Variants in ERCC6L2 observed in about 807,000 individuals in gnomAD.
ERCC6L2 encodes DNA excision repair protein ERCC-6-like 2.
In ERCC6L2, 77 loss-of-function variants were observed where a neutral mutation model predicts 132.0. The ratio of observed to expected loss-of-function variants is 0.58; its 90% confidence interval spans 0.49 to 0.71. The LOEUF (loss-of-function observed/expected upper bound fraction) is 0.71, where lower values mean the gene tolerates loss of function less well. ERCC6L2 is among the 30% of genes least tolerant of loss of function. The pLI is 0.00. For synonymous variants in ERCC6L2, 583 were observed against 632.4 expected (o/e 0.92, Z 1.17); for missense variants, 1,542 against 1,837.6 (o/e 0.84, Z 2.94).
chr9:95,917,870 A>G (rs1262143544), intron 6 of ERCC6L2, among the ~76,000 whole-genome samples: 1 of 152,224 alleles, frequency 6.6e-6, no homozygotes, highest in Admixed American at 6.5e-5. Context: ...AATGCATGAC[A>G]CATAAGAAAT....
intron 12 of ERCC6L2, among the ~76,000 whole-genome samples, chr9:95,950,010 G>A (rs535821947): frequency 4.0e-4 from 57 of 143,354 alleles, no homozygotes; most frequent in Middle Eastern, 3.6e-3. Flanking sequence ...GTGAGACTCC[G>A]TCTCAAAAAA....
intron 14 of ERCC6L2, chr9:95,968,285 C>A: frequency 6.6e-6 from 1 of 152,182 alleles, no homozygotes; most frequent in African/African-American, 2.4e-5. Flanking sequence ...CTTTAATATA[C>A]CAGAACACTA....
intron 17 of ERCC6L2, among the ~76,000 whole-genome samples, chr9:96,003,894 T>G (rs1226965273): frequency 1.3e-5 from 2 of 152,238 alleles, no homozygotes; most frequent in Non-Finnish European, 2.9e-5. Context: ...ACTGGGACTG[T>G]ATAAAGTTTA....
Position 96,031,787 on chromosome 9 carries a change from G to C in ERCC6L2, c.*1504-7089G>C, listed in dbSNP as rs146873967. On this transcript the variant is annotated intron_variant and NMD_transcript_variant, in intron 19 of 20. Transcript: ENST00000670016. ...CTAGTTCAGCTTCCCAGGAACACAAGCTTGACCCTGGGCACTGCAGACTTG... is the reference window on the plus strand; with the variant it reads ...CTAGTTCAGCTTCCCAGGAACACAACCTTGACCCTGGGCACTGCAGACTTG... 1.1e-3 allele frequency among the ~76,000 whole-genome samples: 165 copies of C among 152,262 alleles called. 1 individual carries two copies. Among genetic ancestry groups the C allele is most frequent in the Non-Finnish European group, 1.7e-3 (117 of 68,022 alleles).
Position 95,897,860 on chromosome 9 carries a change from T to G in ERCC6L2, c.483T>G (p.Phe161Leu). The G allele has an allele frequency of 6.2e-7, 1 of 1,612,768 alleles. No individual in the cohort carries two copies. The highest frequency in any genetic ancestry group is 8.5e-7 in the Non-Finnish European group (1 of 1,179,446). ...TCTTTTTTCCCCAGGTTATTTCATT[T>G]CTGGCTGCAGTTTTGCATAAAAAGG... The part of the protein sequence containing the change: ...GLGKTVQVIS[F>L]LAAVLHKKGT... The change falls in exon 3 of 19, where the codon TTT becomes TTG. Residue 161 changes from phenylalanine (F) to leucine (L), a missense_variant. Transcript: ENST00000653738.
chr9:96,036,729 C>T (rs1460394800), intron 19 of ERCC6L2, among the ~76,000 whole-genome samples: 1 of 150,090 alleles, frequency 6.7e-6, no homozygotes, highest in Non-Finnish European at 1.5e-5. Flanking sequence ...GAGGTGAAGC[C>T]CCATTTTTTT....
intron 19 of ERCC6L2, among the ~76,000 whole-genome samples, chr9:96,024,078 C>T (rs1006946396): frequency 3.3e-5 from 5 of 152,174 alleles, no homozygotes; most frequent in Non-Finnish European, 5.9e-5. Flanking sequence ...TTCTTAAACA[C>T]GAATCACTTT....
At chr9:95,969,291 C>T (rs1184712917) in intron 14 of ERCC6L2, among the ~76,000 whole-genome samples, 3 of 152,174 alleles carry the variant, frequency 2.0e-5, no homozygotes, top group Non-Finnish European at 2.9e-5. Context: ...TTTATATTAG[C>T]TTGACTTACT....
At chr9:96,036,776 T>A (rs1440702853) in intron 19 of ERCC6L2, among the ~76,000 whole-genome samples, 10 of 147,228 alleles carry the variant, frequency 6.8e-5, no homozygotes, top group South Asian at 2.1e-4. Context: ...TTTATTTATT[T>A]TTTTTTTTGA....
intron 19 of ERCC6L2, among the ~76,000 whole-genome samples, chr9:96,035,178 G>A (rs532757299): frequency 1.3e-5 from 2 of 152,206 alleles, no homozygotes; most frequent in Non-Finnish European, 2.9e-5. Flanking sequence ...GATTGGTGCT[G>A]AGCCTGGGGC....
intron 12 of ERCC6L2, among the ~76,000 whole-genome samples, chr9:95,952,534 A>G (rs1328912577): frequency 1.3e-5 from 2 of 152,218 alleles, no homozygotes; most frequent in African/African-American, 4.8e-5. Context: ...GCATTTGACA[A>G]AATTCAACAT....
At chr9:95,964,971 C>T (rs530789918) in intron 13 of ERCC6L2, among the ~76,000 whole-genome samples, 1 of 152,128 alleles carries the variant, frequency 6.6e-6, no homozygotes, top group Non-Finnish European at 1.5e-5. Flanking sequence ...TGCAGTCTGA[C>T]AATATCAGTG....
intron 17 of ERCC6L2, among the ~76,000 whole-genome samples, chr9:95,981,589 C>T (rs972810917): frequency 6.6e-6 from 1 of 152,106 alleles, no homozygotes; most frequent in Non-Finnish European, 1.5e-5. Context: ...CTCATTTTAA[C>T]AAGACGAGAT....
At chr9:95,989,275 G>A (rs1009159224) in intron 17 of ERCC6L2, among the ~76,000 whole-genome samples, 12 of 152,148 alleles carry the variant, frequency 7.9e-5, no homozygotes, top group Non-Finnish European at 1.5e-4. Context: ...CCTGAAAGTT[G>A]GGGGGTGGAG....
chr9:95,946,997 G>A (rs1229223835), intron 12 of ERCC6L2, among the ~76,000 whole-genome samples: 1 of 152,118 alleles, frequency 6.6e-6, no homozygotes, highest in Non-Finnish European at 1.5e-5. Flanking sequence ...TCTTCCCTGA[G>A]ACACAGTATT....
At chr9:95,895,270 G>A (rs527485147) in intron 2 of ERCC6L2, among the ~76,000 whole-genome samples, 12 of 151,656 alleles carry the variant, frequency 7.9e-5, no homozygotes, top group African/African-American at 2.9e-4. Flanking sequence ...TTTGATTTTT[G>A]TTTACATGGT....
chr9:95,891,149 G>A (rs914873054), intron 2 of ERCC6L2, among the ~76,000 whole-genome samples: 1 of 152,140 alleles, frequency 6.6e-6, no homozygotes, highest in Non-Finnish European at 1.5e-5. Context: ...GGAGGCGGAG[G>A]TTGCGGTGAG....
chr9:95,923,975 T>A (rs770923907), intron 9 of ERCC6L2, among the ~76,000 whole-genome samples: 11 of 152,222 alleles, frequency 7.2e-5, no homozygotes, highest in Non-Finnish European at 1.3e-4. Context: ...TCTCCAACCT[T>A]GACCCAGGCC....
chr9:96,031,274 T>G (rs920264946), intron 19 of ERCC6L2, among the ~76,000 whole-genome samples: 9 of 152,046 alleles, frequency 5.9e-5, no homozygotes, highest in Admixed American at 3.9e-4. Context: ...TGGACCAGGG[T>G]GGGTTGTTTT....
Sources: gnomAD v4.1 joint callset for allele counts (sites outside exome capture counted in the v4.1 genomes callset) on GRCh38, gnomAD v4.1.1 for gene constraint, MANE v1.5 for transcripts, NCBI Gene and HGNC (gene_info 2026-07-23, HGNC 2026-07-21) for gene names.